ERC2: variants seen among roughly 807,000 people sequenced by gnomAD.
ERC2 encodes ERC protein 2.
A neutral mutation model predicts 114.8 loss-of-function variants in ERC2; 42 were observed. That is an observed-to-expected ratio of 0.37 (90% confidence interval 0.29 to 0.47). ERC2 has a LOEUF of 0.47. Among genes scored for constraint, ERC2 ranks in the 20% least tolerant of loss-of-function variants. The pLI, the probability that ERC2 is intolerant of heterozygous loss-of-function variation, is 0.99. For synonymous variants in ERC2, 454 were observed against 425.5 expected (o/e 1.07, Z -0.82); for missense variants, 939 against 1,150.7 (o/e 0.82, Z 2.66).
chr3:56,195,876 T>C (rs1250467117), intron 3 of ERC2, among the ~76,000 whole-genome samples: 1 of 151,784 alleles, frequency 6.6e-6, no homozygotes, highest in Non-Finnish European at 1.5e-5. Flanking sequence ...TGTGAGGAAG[T>C]CTACTGTCTG....
chr3:55,662,656 A>T (rs1576005613), intron 17 of ERC2, among the ~76,000 whole-genome samples: 1 of 152,202 alleles, frequency 6.6e-6, no homozygotes, highest in South Asian at 2.1e-4. Context: ...TATAGCTTAA[A>T]TATTTTATAA....
At chr3:55,539,182 G>T (rs1229890627) in intron 17 of ERC2, among the ~76,000 whole-genome samples, 1 of 152,112 alleles carries the variant, frequency 6.6e-6, no homozygotes, top group Non-Finnish European at 1.5e-5. Context: ...CACAATGTTA[G>T]AGTATATTAA....
chr3:56,306,695 C>G (rs1015535441), intron 2 of ERC2, among the ~76,000 whole-genome samples: 3 of 152,126 alleles, frequency 2.0e-5, no homozygotes, highest in African/African-American at 7.2e-5. Context: ...TCTTTTGTAC[C>G]TATCCAACAG....
At chr3:55,799,634 G>A (rs1327664260) in intron 14 of ERC2, among the ~76,000 whole-genome samples, 1 of 151,818 alleles carries the variant, frequency 6.6e-6, no homozygotes, top group African/African-American at 2.4e-5. Context: ...CTATAGGAAT[G>A]GAGGATGTGC....
intron 3 of ERC2, among the ~76,000 whole-genome samples, chr3:56,213,150 G>A (rs1050991925): frequency 6.6e-6 from 1 of 152,164 alleles, no homozygotes; most frequent in African/African-American, 2.4e-5. Context: ...TCTCACTGGG[G>A]ATCTTCGGAA....
chr3:55,757,850 C>A lies in ERC2; in HGVS notation c.2565-22932G>T, dbSNP rs151173080. Among the ~76,000 whole-genome samples, 6 of 152,152 alleles carry A rather than the reference C, an allele frequency of 3.9e-5. No homozygotes were observed. The East Asian group carries it at 1.2e-3, about 29-fold the overall frequency. On this transcript the variant is annotated intron_variant, in intron 14 of 17. Transcript: ENST00000288221. ...TTAGTGAGTATTAACTGTTTTCACT[C>A]TTAGATCATTAAAAGTCAATTGTAT...
intron 17 of ERC2, among the ~76,000 whole-genome samples, chr3:55,583,100 T>C (rs1475800694): frequency 7.2e-5 from 11 of 152,214 alleles, no homozygotes; most frequent in Non-Finnish European, 1.5e-4. Flanking sequence ...TGTATCATCC[T>C]TACAGTGGTA....
intron 14 of ERC2, among the ~76,000 whole-genome samples, chr3:55,786,817 A>C (rs2069538803): frequency 6.6e-6 from 1 of 152,150 alleles, no homozygotes; most frequent in Non-Finnish European, 1.5e-5. Context: ...GCTCTACCCA[A>C]GGACAATGAT....
At chr3:55,722,077 A>C (rs1167762682) in intron 15 of ERC2, among the ~76,000 whole-genome samples, 20 of 152,060 alleles carry the variant, frequency 1.3e-4, no homozygotes, top group Non-Finnish European at 1.5e-5. Flanking sequence ...CCACCTCTCT[A>C]TCTGATCTAA....
intron 17 of ERC2, among the ~76,000 whole-genome samples, chr3:55,598,004 A>G (rs2058229180): frequency 6.6e-6 from 1 of 152,204 alleles, no homozygotes; most frequent in Non-Finnish European, 1.5e-5. Context: ...TTACAGCCAC[A>G]TCTTGCTAAC....
chr3:56,307,502 A>G (rs2056297077), intron 2 of ERC2, among the ~76,000 whole-genome samples: 1 of 151,846 alleles, frequency 6.6e-6, no homozygotes, highest in African/African-American at 2.4e-5. Context: ...AGACCTCACA[A>G]TGTTATTCAA....
chr3:56,107,739 C>G (rs2078748034), intron 6 of ERC2, among the ~76,000 whole-genome samples: 1 of 152,144 alleles, frequency 6.6e-6, no homozygotes, highest in Admixed American at 6.5e-5. Context: ...ACTGAATCTT[C>G]TCAATCTAAC....
At chr3:55,678,642 T>C (rs2061921714) in intron 17 of ERC2, among the ~76,000 whole-genome samples, 1 of 152,192 alleles carries the variant, frequency 6.6e-6, no homozygotes, top group African/African-American at 2.4e-5. Flanking sequence ...TGCACATTAC[T>C]GCAATAAGAG....
chr3:56,206,180 A>AACAC (rs3052731), intron 3 of ERC2, among the ~76,000 whole-genome samples: 2 of 148,758 alleles, frequency 1.3e-5, no homozygotes, highest in Non-Finnish European at 3.0e-5. Context: ...CAGCCAGAAA[A>AACAC]ACACACACAC....
intron 14 of ERC2, among the ~76,000 whole-genome samples, chr3:55,768,794 G>C (rs1224543256): frequency 6.6e-6 from 1 of 152,196 alleles, no homozygotes; most frequent in African/African-American, 2.4e-5. Context: ...TAGGCAGCGG[G>C]CAGCAGCAGG....
At chr3:55,569,591 G>A (rs563668688) in intron 17 of ERC2, among the ~76,000 whole-genome samples, 5 of 152,268 alleles carry the variant, frequency 3.3e-5, no homozygotes, top group African/African-American at 7.2e-5. Flanking sequence ...TAGACGAATC[G>A]TTTTCAGTGT....
intron 3 of ERC2, among the ~76,000 whole-genome samples, chr3:56,257,140 C>T (rs1010794512): frequency 2.6e-5 from 4 of 152,074 alleles, no homozygotes; most frequent in African/African-American, 9.7e-5. Context: ...AAGTGCTACC[C>T]ACCCCCAATC....
intron 2 of ERC2, among the ~76,000 whole-genome samples, chr3:56,337,764 G>T (rs571330348): frequency 6.6e-6 from 1 of 152,170 alleles, no homozygotes; most frequent in Non-Finnish European, 1.5e-5. Context: ...CTCAGCAGGC[G>T]TGCAAGCCAC....
At chr3:55,515,449 C>T (rs1242266740) in intron 17 of ERC2, among the ~76,000 whole-genome samples, 1 of 151,990 alleles carries the variant, frequency 6.6e-6, no homozygotes, top group Non-Finnish European at 1.5e-5. Flanking sequence ...CTCACTGCAA[C>T]CTCTGTCTCC....
Sources: gnomAD v4.1 joint callset for allele counts (sites outside exome capture counted in the v4.1 genomes callset) on GRCh38, gnomAD v4.1.1 for gene constraint, MANE v1.5 for transcripts, NCBI Gene and HGNC (gene_info 2026-07-23, HGNC 2026-07-21) for gene names.